NFX1: variants seen among roughly 807,000 people sequenced by gnomAD.
NFX1 encodes the protein transcriptional repressor NF-X1.
NFX1 carries 69 observed loss-of-function variants against 137.2 expected under a neutral mutation model. That is an observed-to-expected ratio of 0.50 (90% CI 0.41 to 0.61). NFX1 has a LOEUF of 0.61. Among genes scored for constraint, NFX1 ranks in the 20% least tolerant of loss-of-function variants. NFX1 has a pLI of 0.00. For missense variants in NFX1, 1,167 were observed against 1,391.0 expected (o/e 0.84, Z 2.56); for synonymous variants, 495 against 474.1 (o/e 1.04, Z -0.57).
rs1462079272 is a variant in NFX1, at chr9:33,364,839, TC to T, written c.3039+66del. Reference sequence around the variant, plus strand: ...CAGCTTGATGAAAAAAAAAAAGCAATCAAGTCCTGGAAACACTTTCAACCTA... The same window carrying T: ...CAGCTTGATGAAAAAAAAAAAGCAATAAGTCCTGGAAACACTTTCAACCTA... On this transcript the variant is annotated intron_variant, in intron 21 of 23. Transcript: ENST00000379540. 8 of 1,589,638 alleles carry T rather than the reference TC, an allele frequency of 5.0e-6. No individual in the cohort carries two copies. In the East Asian group the frequency reaches 1.8e-4, roughly 36 times the overall value.
chr9:33,313,351 G>T (rs1822033480), intron 6 of NFX1, among the ~76,000 whole-genome samples: 1 of 152,122 alleles, frequency 6.6e-6, no homozygotes, highest in African/African-American at 2.4e-5. Flanking sequence ...CACTTTGGGA[G>T]CCTGAGGCAG....
chr9:33,295,156 G>A lies in NFX1; in HGVS notation c.762G>A (p.Arg254=), dbSNP rs1240860301. 2.5e-6 allele frequency: 4 copies of A among 1,614,082 alleles called. No individual in the cohort carries two copies. Among genetic ancestry groups the A allele is most frequent in the East Asian group, 2.2e-5 (1 of 44,872 alleles). The change falls in exon 2 of 24, where the codon AGG becomes AGA. Residue 254 remains arginine, a synonymous_variant. Transcript: ENST00000379540. ...KRPPWEVEGA[R]PRPGRNPPKQ... is the part of the protein sequence containing the mutation. ...CTCCCTGGGAAGTGGAGGGGGCCAG[G>A]CCACGACCAGGCAGAAATCCACCAA...
chr9:33,294,023 G>T (rs1821255192), intron 1 of NFX1, among the ~76,000 whole-genome samples: 1 of 152,320 alleles, frequency 6.6e-6, no homozygotes, highest in Non-Finnish European at 1.5e-5. Context: ...TCCAAAGCCT[G>T]TTTACTTGAT....
At chr9:33,291,729 C>T (rs564430731) in intron 1 of NFX1, among the ~76,000 whole-genome samples, 2 of 152,284 alleles carry the variant, frequency 1.3e-5, no homozygotes, top group East Asian at 3.9e-4. Flanking sequence ...CGGTGAAACC[C>T]CGTCTCTACT....
At chr9:33,300,246 G>A (rs1397168801) in intron 2 of NFX1, among the ~76,000 whole-genome samples, 1 of 151,614 alleles carries the variant, frequency 6.6e-6, no homozygotes, top group Non-Finnish European at 1.5e-5. Context: ...TGTATTCTTA[G>A]TAGAGATGGG....
At position 33,295,040 on chromosome 9, in the gene NFX1, C is replaced by A. The variant is rs750714099; in HGVS notation, c.646C>A (p.Pro216Thr). 6.2e-7 allele frequency: 1 copy of A among 1,613,926 alleles called. No homozygotes were observed. The highest frequency in any genetic ancestry group is 1.1e-5 in the South Asian group (1 of 91,066). Reference sequence around the variant, plus strand: ...TACCAAACCTGTGGGGGTTTTCCACCCTGACTCTTCAGAGGCATCCTCTAG... The same window carrying A: ...TACCAAACCTGTGGGGGTTTTCCACACTGACTCTTCAGAGGCATCCTCTAG... Reference protein sequence around the residue: ...ESTKPVGVFHPDSSEASSRKG... With the variant: ...ESTKPVGVFHTDSSEASSRKG... The change falls in exon 2 of 24, where the codon CCT (proline) becomes ACT (threonine). Residue 216 changes from proline to threonine, a missense_variant. By Grantham distance (38) the Pro-to-Thr change is conservative (BLOSUM62 -1). This residue lies in a region of NFX1 where 367 missense variants were observed against 386.7 expected (regional missense o/e 0.95). Coordinates refer to ENST00000379540, the MANE Select transcript of NFX1 (RefSeq NM_002504.6).
intron 15 of NFX1, among the ~76,000 whole-genome samples, chr9:33,351,104 G>A (rs1228963517): frequency 2.6e-5 from 4 of 152,116 alleles, no homozygotes; most frequent in South Asian, 2.1e-4. Flanking sequence ...CGAGATTGGC[G>A]CCACTGTACT....
At chr9:33,309,197 A>C (rs1821871832) in intron 5 of NFX1, among the ~76,000 whole-genome samples, 1 of 151,998 alleles carries the variant, frequency 6.6e-6, no homozygotes, top group African/African-American at 2.4e-5. Flanking sequence ...CTCTACTAAA[A>C]ATATAAAAAA....
At chr9:33,363,846 C>T (rs898022568) in intron 19 of NFX1, among the ~76,000 whole-genome samples, 164 bp from the exon 20 acceptor site, 17 of 152,070 alleles carry the variant, frequency 1.1e-4, no homozygotes, top group South Asian at 2.1e-4. Context: ...AAGACAATAC[C>T]ACCTCATGTC....
chr9:33,307,247 G>A lies in NFX1; in HGVS notation c.1324G>A (p.Glu442Lys). The A allele has an allele frequency of 6.2e-7, 1 of 1,614,182 alleles. No individual in the cohort carries two copies. Among genetic ancestry groups the A allele is most frequent in the African/African-American group, 1.3e-5 (1 of 75,050 alleles). The change falls in exon 5 of 24, where the codon GAG becomes AAG. Residue 442 changes from glutamate (E) to lysine (K), a missense_variant. Physicochemically the swap from Glu to Lys is moderately conservative, Grantham distance 56. This residue lies in a region of NFX1 where 488 missense variants were observed against 691.5 expected (regional missense o/e 0.71). Coordinates refer to ENST00000379540, the MANE Select transcript of NFX1 (RefSeq NM_002504.6). ...AAATGAAATTCCACATAGCTGTGGT[G>A]AGGTTTGTAGAAAGAAACAGCCTGG... ...SRNEIPHSCG[E>K]VCRKKQPGQD...
At chr9:33,310,813 G>A (rs1348912718) in intron 5 of NFX1, among the ~76,000 whole-genome samples, 1 of 152,196 alleles carries the variant, frequency 6.6e-6, no homozygotes, top group East Asian at 1.9e-4. Flanking sequence ...AGTGGGCCAA[G>A]ACTGTATTTG....
chr9:33,291,902 C>CA (rs977241099), intron 1 of NFX1, among the ~76,000 whole-genome samples: 29 of 148,496 alleles, frequency 2.0e-4, no homozygotes, highest in Non-Finnish European at 3.3e-4. Context: ...GACTTCGTCT[C>CA]AAAAAAAAAA....
intron 4 of NFX1, among the ~76,000 whole-genome samples, chr9:33,306,150 G>A (rs546028557): frequency 2.0e-5 from 3 of 152,266 alleles, no homozygotes; most frequent in African/African-American, 4.8e-5. Flanking sequence ...AGAGAGGCAG[G>A]AACAGGAGAG....
intron 9 of NFX1, among the ~76,000 whole-genome samples, chr9:33,323,459 T>C (rs1021418670): frequency 2.0e-5 from 3 of 152,116 alleles, no homozygotes; most frequent in Non-Finnish European, 4.4e-5. Flanking sequence ...ATAATAAATA[T>C]GTTCAAAGAA....
At position 33,307,247 on chromosome 9, in the gene NFX1, GAGGTTTGT is replaced by G; in HGVS notation, c.1327_1334del (p.Val443LysfsTer13). 6.2e-7 allele frequency: 1 copy of G among 1,614,182 alleles called. No homozygotes were observed. The highest frequency in any genetic ancestry group is 8.5e-7 in the Non-Finnish European group (1 of 1,180,008). On this transcript the variant is annotated frameshift_variant, in exon 5 of 24. Transcript: ENST00000379540. LOFTEE classifies it high-confidence loss of function. ...AAATGAAATTCCACATAGCTGTGGT[GAGGTTTGT>G]AGAAAGAAACAGCCTGGCCAGGACT...
At position 33,318,724 on chromosome 9, in the gene NFX1, C is replaced by T; in HGVS notation, c.1589-7C>T. ...TAACGTTTTGTTTTTGAAATTTTCT[C>T]TTCAAGTATGCTATTGCGGCAGCAC... On this transcript the variant is annotated splice_region_variant and splice_polypyrimidine_tract_variant and intron_variant, in intron 7 of 23. Transcript: ENST00000379540. 6.2e-7 allele frequency: 1 copy of T among 1,613,282 alleles called. No homozygotes were observed. The highest frequency in any genetic ancestry group is 8.5e-7 in the Non-Finnish European group (1 of 1,179,576).
rs1243043774 is a variant in NFX1 at position 33,323,340 on chromosome 9, T to C, written c.1906+4213T>C. Among the ~76,000 whole-genome samples the C allele has an allele frequency of 3.9e-5, 6 of 152,032 alleles. No individual in the cohort carries two copies. In the South Asian group the frequency reaches 1.2e-3, roughly 31 times the overall value. On this transcript the variant is annotated intron_variant, in intron 9 of 23. Transcript: ENST00000379540. ...TGCTATATAGCTAAAATGTCTAGTT[T>C]CCAAGAAAAAGTATGAAATGTGCAA...
chr9:33,342,783 A>G lies in NFX1; in HGVS notation c.2153A>G (p.Lys718Arg). The G allele has an allele frequency of 6.2e-7, 1 of 1,613,764 alleles. No individual in the cohort carries two copies. The highest frequency in any genetic ancestry group is 1.3e-5 in the African/African-American group (1 of 75,048). Residue 718 changes from lysine (K) to arginine (R), a missense_variant, in exon 13 of 24, where the codon AAA becomes AGA. Transcript: ENST00000379540. ...AAGTGTCCTTTGATTTGTGGGAGGA[A>G]ACTCCGTTGTGGCCTTCATAGGTGT... ...EHKCPLICGRKLRCGLHRCEE... is the reference protein window; with the variant it reads ...EHKCPLICGRRLRCGLHRCEE...
intron 3 of NFX1, 121 bp from the exon 4 acceptor site, chr9:33,303,070 C>A: frequency 3.2e-6 from 2 of 621,678 alleles, no homozygotes; most frequent in South Asian, 1.7e-5. Context: ...GTCTGATATG[C>A]TTAACATTGA....
Sources: gnomAD v4.1 joint callset for allele counts (sites outside exome capture counted in the v4.1 genomes callset) on GRCh38, gnomAD v4.1.1 for gene constraint, gnomAD v4.1.1 regional missense constraint, MANE v1.5 for transcripts, NCBI Gene and HGNC (gene_info 2026-07-23, HGNC 2026-07-21) for gene names.